Variants in DAB2IP observed in about 807,000 individuals in gnomAD.
DAB2IP encodes disabled homolog 2-interacting protein.
Under a neutral mutation model 107.2 loss-of-function variants are expected in DAB2IP, and 28 were observed. The observed-to-expected ratio is 0.26, with a 90% CI of 0.19 to 0.36. DAB2IP has a LOEUF of 0.36. DAB2IP is among the 10% of genes least tolerant of loss of function. DAB2IP has a pLI of 1.00. For missense variants in DAB2IP, 1,400 were observed against 1,644.7 expected, an observed-to-expected ratio of 0.85 and a Z score of 2.57; for synonymous variants, 755 against 706.4, an observed-to-expected ratio of 1.07 and a Z score of -1.09.
chr9:121,642,029 CTCTTTCTTTCTTTCTTTCTT>C (rs1156645580), intron 1 of DAB2IP, among the ~76,000 whole-genome samples: 1 of 26,720 alleles, frequency 3.7e-5, no homozygotes, highest in Non-Finnish European at 7.4e-5. Context: ...CTCTCTCTCT[CTCTTTCTTTCTTTCTTTCTT>C]TCTTTCTTTC....
intron 1 of DAB2IP, among the ~76,000 whole-genome samples, chr9:121,622,127 T>A (rs2118996847): frequency 6.6e-6 from 1 of 151,986 alleles, no homozygotes; most frequent in South Asian, 2.1e-4. Context: ...TAGCTGGGAC[T>A]ACAGGCGTGT....
chr9:121,730,607 A>G (rs577129983), intron 3 of DAB2IP, among the ~76,000 whole-genome samples: 1 of 152,210 alleles, frequency 6.6e-6, no homozygotes, highest in East Asian at 1.9e-4. Flanking sequence ...GGTATTAGAC[A>G]TTTAATGTCC....
Position 121,776,145 on chromosome 9 carries a change from C to G in DAB2IP, c.3121-53C>G. 1.3e-6 allele frequency: 2 copies of G among 1,546,266 alleles called. No homozygotes were observed. Among genetic ancestry groups the G allele is most frequent in the Non-Finnish European group, 1.7e-6 (2 of 1,144,360 alleles). ...CTTCCTCCCACTCGGGCTGACGAAG[C>G]TGTGCTCTCTGTGTCCTGGGTGCTG... On this transcript the variant is annotated intron_variant, in intron 13 of 15. Coordinates refer to ENST00000408936, the Ensembl canonical transcript of DAB2IP. The surrounding 1 kb of genome is among the most constrained non-coding windows in gnomAD (Gnocchi z 5.4).
intron 2 of DAB2IP, among the ~76,000 whole-genome samples, chr9:121,691,127 C>G (rs1829140317): frequency 6.6e-6 from 1 of 152,212 alleles, no homozygotes; most frequent in South Asian, 2.1e-4. Context: ...CCTTTTATAT[C>G]ATTAAATATT....
intron 11 of DAB2IP, among the ~76,000 whole-genome samples, chr9:121,771,615 G>A (rs751505637): frequency 6.6e-6 from 1 of 152,210 alleles, no homozygotes; most frequent in African/African-American, 2.4e-5. Flanking sequence ...GGGGGGTGCA[G>A]TAGACAGCCC....
rs1833260692 is a variant in DAB2IP at position 121,662,749 on chromosome 9, G to A, written c.124+10850G>A. 6.6e-6 allele frequency among the ~76,000 whole-genome samples: 1 copy of A among 152,188 alleles called. No homozygotes were observed. The highest frequency in any genetic ancestry group is 1.9e-4 in the East Asian group (1 of 5,198). Reference sequence around the variant, plus strand: ...CATAGAAGCCTATGCTTCCAAGTGTGTCGAATTGCATTGTGTGTTTAAAAA... The same window carrying A: ...CATAGAAGCCTATGCTTCCAAGTGTATCGAATTGCATTGTGTGTTTAAAAA... On this transcript the variant is annotated intron_variant, in intron 1 of 15. Coordinates refer to ENST00000408936, the Ensembl canonical transcript of DAB2IP. The surrounding 1 kb of genome is among the most constrained non-coding windows in gnomAD (Gnocchi z 4.6).
intron 2 of DAB2IP, among the ~76,000 whole-genome samples, chr9:121,686,177 C>G (rs2118660015): frequency 6.6e-6 from 1 of 152,316 alleles, no homozygotes; most frequent in South Asian, 2.1e-4. Context: ...TCTCAGGAGC[C>G]TGTTCCAACC....
chr9:121,659,515 G>A (rs1480953771), intron 1 of DAB2IP, among the ~76,000 whole-genome samples: 1 of 152,188 alleles, frequency 6.6e-6, no homozygotes, highest in Admixed American at 6.5e-5. Context: ...GGGGTTGCTT[G>A]CAAATCAGTT....
At chr9:121,613,379 A>AT (rs1831160094) in intron 1 of DAB2IP, among the ~76,000 whole-genome samples, 1 of 152,138 alleles carries the variant, frequency 6.6e-6, no homozygotes, top group Non-Finnish European at 1.5e-5. Flanking sequence ...TTTTTAAAGT[A>AT]TTTATATCCT....
rs372713140 is a variant in DAB2IP, at chr9:121,616,172, T to A, written c.40+48944T>A. On this transcript the variant is annotated intron_variant, in intron 1 of 16. Transcript: ENST00000259371. ...ATCCCTGGGGATTCCTGTGGCCCTA[T>A]GTGGTTGCCTCCTGCAGGATGCAGG... 5.7e-4 allele frequency among the ~76,000 whole-genome samples: 86 copies of A among 152,132 alleles called. No homozygotes were observed. In the South Asian group the frequency reaches 0.017, roughly 30 times the overall value.
At chr9:121,592,112 A>G (rs1244071991) in intron 1 of DAB2IP, among the ~76,000 whole-genome samples, 1 of 152,188 alleles carries the variant, frequency 6.6e-6, no homozygotes. Context: ...TCACGCCTAT[A>G]ATCCCAGCAC....
At chr9:121,688,991 C>T (rs892883402) in intron 2 of DAB2IP, among the ~76,000 whole-genome samples, 2 of 152,154 alleles carry the variant, frequency 1.3e-5, no homozygotes, top group African/African-American at 4.8e-5. Context: ...AGCAAGGACA[C>T]CAGCCCTTGC....
chr9:121,604,927 T>C (rs1830816781), intron 1 of DAB2IP, among the ~76,000 whole-genome samples: 3 of 152,260 alleles, frequency 2.0e-5, no homozygotes, highest in Non-Finnish European at 4.4e-5. Flanking sequence ...CCTCGCAGTC[T>C]GCTCTGGGCA....
Position 121,776,498 on chromosome 9 carries a change from G to A in DAB2IP, c.3314+107G>A, listed in dbSNP as rs79443289. The A allele has an allele frequency of 1.6e-6, 2 of 1,240,164 alleles. No individual in the cohort carries two copies. The highest frequency in any genetic ancestry group is 2.9e-5 in the Admixed American group (1 of 34,670). The allele number at this position is 1,240,164 out of a possible 1,614,324, so 76.8% of individuals were successfully genotyped here. On this transcript the variant is annotated intron_variant, in intron 14 of 15. Coordinates refer to ENST00000408936, the Ensembl canonical transcript of DAB2IP. This position sits in a 1 kb window ranked among gnomAD's most constrained non-coding sequence, Gnocchi z 5.4. The stretch of plus-strand genomic sequence containing the variant: ...AGCCTCCTCAAAGGATAAGCTGAAT[G>A]TGGAGAGAGGAGGGAAGAGAGTGTC...
intron 10 of DAB2IP, among the ~76,000 whole-genome samples, chr9:121,769,906 T>A (rs976852410): frequency 9.2e-5 from 14 of 152,136 alleles, no homozygotes; most frequent in African/African-American, 2.9e-4. Flanking sequence ...GCGTGCTCTA[T>A]TGCCTGCATG....
chr9:121,697,368 C>A (rs1829478687), intron 2 of DAB2IP, among the ~76,000 whole-genome samples: 1 of 152,212 alleles, frequency 6.6e-6, no homozygotes, highest in African/African-American at 2.4e-5. Flanking sequence ...ATTGGGATAA[C>A]TTGCTTGACC....
At chr9:121,742,712 C>T in intron 3 of DAB2IP, 2 of 985,476 alleles carry the variant, frequency 2.0e-6, no homozygotes, top group South Asian at 4.7e-5. Context: ...TGCCTTGGTT[C>T]CCTGCACCTG....
At chr9:121,779,244 C>A (rs1342074790) in intron 14 of DAB2IP, among the ~76,000 whole-genome samples, 1 of 152,228 alleles carries the variant, frequency 6.6e-6, no homozygotes, top group Non-Finnish European at 1.5e-5. Flanking sequence ...TAAATTCCAT[C>A]AGTTTTAATT....
chr9:121,641,140 C>A (rs2119034114), intron 1 of DAB2IP, among the ~76,000 whole-genome samples: 1 of 152,350 alleles, frequency 6.6e-6, no homozygotes, highest in Non-Finnish European at 1.5e-5. Flanking sequence ...CCCAAACTTT[C>A]TGCTACTTCC....
Sources: gnomAD v4.1 joint callset for allele counts (sites outside exome capture counted in the v4.1 genomes callset) on GRCh38, gnomAD v4.1.1 for gene constraint, Gnocchi (gnomAD v3.1) non-coding constraint, MANE v1.5 for transcripts, NCBI Gene and HGNC (gene_info 2026-07-23, HGNC 2026-07-21) for gene names.